CDH10: variants seen among roughly 807,000 people sequenced by gnomAD.
CDH10 encodes the protein cadherin-10.
Under a neutral mutation model 73.1 loss-of-function variants are expected in CDH10, and 30 were observed. The ratio of observed to expected loss-of-function variants is 0.41; its 90% CI spans 0.31 to 0.56. CDH10 has a LOEUF of 0.56. Ranked by LOEUF, CDH10 falls within the 20% of genes least tolerant of loss-of-function variation. The pLI is 0.27. For missense variants in CDH10, 815 were observed against 973.7 expected (o/e 0.84, Z 2.17); for synonymous variants, 345 against 348.2 (o/e 0.99, Z 0.10).
At chr5:24,493,557 C>T (rs958205549) in intron 9 of CDH10, among the ~76,000 whole-genome samples, 1 of 151,328 alleles carries the variant, frequency 6.6e-6, no homozygotes, top group Non-Finnish European at 1.5e-5. Flanking sequence ...ACAATTTAGC[C>T]CCTAATATAT....
chr5:24,628,074 G>A (rs767430942), intron 1 of CDH10, among the ~76,000 whole-genome samples: 4 of 152,068 alleles, frequency 2.6e-5, no homozygotes, highest in Non-Finnish European at 5.9e-5. Context: ...AAGATTAAGA[G>A]CAAATTGTTT....
intron 2 of CDH10, among the ~76,000 whole-genome samples, chr5:24,561,333 T>A (rs933836959): frequency 5.3e-5 from 8 of 152,148 alleles, no homozygotes; most frequent in Non-Finnish European, 7.4e-5. Context: ...AATTTGAGTT[T>A]ATTTCATAAT....
At chr5:24,634,062 G>A (rs17462263) in intron 1 of CDH10, among the ~76,000 whole-genome samples, 4,110 of 151,838 alleles carry the variant, frequency 0.027, 91 homozygotes, top group Non-Finnish European at 0.045. Context: ...ATCACGTTGT[G>A]AAGCCTAATT....
intron 2 of CDH10, among the ~76,000 whole-genome samples, chr5:24,545,102 A>G (rs1262965775): frequency 1.3e-5 from 2 of 152,194 alleles, no homozygotes; most frequent in Non-Finnish European, 2.9e-5. Context: ...ACTTGTAAAG[A>G]GAGTTATTGA....
chr5:24,608,022 T>C (rs964526319), intron 1 of CDH10, among the ~76,000 whole-genome samples: 1 of 152,206 alleles, frequency 6.6e-6, no homozygotes, highest in Non-Finnish European at 1.5e-5. Flanking sequence ...TACTGAAATA[T>C]CCTTGGCTAG....
chr5:24,501,255 C>G (rs964121408), intron 8 of CDH10, among the ~76,000 whole-genome samples: 1 of 152,074 alleles, frequency 6.6e-6, no homozygotes, highest in Non-Finnish European at 1.5e-5. Context: ...CCGTCGTCAG[C>G]CCCTTCCCTA....
chr5:24,638,370 G>T (rs537972836), intron 1 of CDH10, among the ~76,000 whole-genome samples: 2 of 151,608 alleles, frequency 1.3e-5, no homozygotes, highest in African/African-American at 2.4e-5. Flanking sequence ...CAGCAAGAAG[G>T]GGGGGAAGTC....
intron 9 of CDH10, among the ~76,000 whole-genome samples, chr5:24,498,147 T>C (rs777217792): frequency 7.2e-5 from 11 of 152,240 alleles, no homozygotes; most frequent in Non-Finnish European, 1.2e-4. Flanking sequence ...TTTTTTCTTA[T>C]GCTTCAACTT....
chr5:24,497,819 A>G (rs182149045), intron 9 of CDH10, among the ~76,000 whole-genome samples: 4 of 152,342 alleles, frequency 2.6e-5, no homozygotes, highest in African/African-American at 9.6e-5. Context: ...GAAAAGACTT[A>G]CAGAATTATA....
chr5:24,600,459 A>G (rs1341030752), intron 1 of CDH10, among the ~76,000 whole-genome samples: 1 of 152,132 alleles, frequency 6.6e-6, no homozygotes, highest in African/African-American at 2.4e-5. Context: ...ACAAAATTGA[A>G]GTGGTTCTCA....
At chr5:24,566,983 A>C (rs1338351580) in intron 2 of CDH10, among the ~76,000 whole-genome samples, 1 of 152,104 alleles carries the variant, frequency 6.6e-6, no homozygotes, top group Admixed American at 6.5e-5. Context: ...CTCTTATAAC[A>C]CAATTATAAA....
At chr5:24,574,446 A>G (rs992082194) in intron 2 of CDH10, among the ~76,000 whole-genome samples, 2 of 152,112 alleles carry the variant, frequency 1.3e-5, no homozygotes, top group Admixed American at 1.3e-4. Context: ...GCCAAAATAG[A>G]TGAAAGTGTA....
At chr5:24,552,702 T>A (rs7727123) in intron 2 of CDH10, among the ~76,000 whole-genome samples, 100,224 of 151,790 alleles carry the variant, frequency 0.66, 33,210 homozygotes, top group East Asian at 0.77. Flanking sequence ...AAATTCAATA[T>A]TTTTGTCACC....
chr5:24,616,900 A>G (rs527769016), intron 1 of CDH10, among the ~76,000 whole-genome samples: 12 of 152,296 alleles, frequency 7.9e-5, no homozygotes, highest in Non-Finnish European at 1.5e-4. Flanking sequence ...TTTTAAAAAA[A>G]TTCAAGGACA....
intron 5 of CDH10, among the ~76,000 whole-genome samples, chr5:24,524,300 A>G (rs1743446501): frequency 6.6e-6 from 1 of 152,148 alleles, no homozygotes; most frequent in Non-Finnish European, 1.5e-5. Flanking sequence ...GAATAGAAGT[A>G]TCCTACTTTG....
At chr5:24,566,056 G>C (rs1278739445) in intron 2 of CDH10, among the ~76,000 whole-genome samples, 1 of 151,988 alleles carries the variant, frequency 6.6e-6, no homozygotes, top group Non-Finnish European at 1.5e-5. Context: ...TTTTTGTTTT[G>C]TTTTGTTTTT....
chr5:24,545,780 T>C (rs1346848386), intron 2 of CDH10, among the ~76,000 whole-genome samples: 3 of 151,722 alleles, frequency 2.0e-5, no homozygotes, highest in African/African-American at 7.3e-5. Context: ...GATCCTGCCA[T>C]GACATTCTGG....
intron 2 of CDH10, among the ~76,000 whole-genome samples, chr5:24,565,548 T>C (rs1331637638): frequency 6.6e-6 from 1 of 152,132 alleles, no homozygotes; most frequent in Non-Finnish European, 1.5e-5. Flanking sequence ...GAAGACTCAA[T>C]GTTAAAATTT....
intron 1 of CDH10, among the ~76,000 whole-genome samples, chr5:24,620,162 C>G (rs1747263209): frequency 6.6e-6 from 1 of 152,196 alleles, no homozygotes; most frequent in Non-Finnish European, 1.5e-5. Context: ...TATCTCCTCA[C>G]ACGTTAATAG....
Sources: allele counts gnomAD v4.1 joint callset (sites outside exome capture counted in the v4.1 genomes callset), GRCh38; gene constraint gnomAD v4.1.1; transcripts MANE v1.5; gene names NCBI Gene and HGNC (gene_info 2026-07-23, HGNC 2026-07-21).